AHI1: variants seen among roughly 807,000 people sequenced by gnomAD.
The protein encoded by AHI1 is Abelson helper integration site 1.
A neutral mutation model predicts 149.3 loss-of-function variants in AHI1; 123 were observed. That is an observed-to-expected ratio of 0.82 (90% confidence interval 0.71 to 0.96). The LOEUF (loss-of-function observed/expected upper bound fraction) is 0.96. AHI1 is among the 40% of genes least tolerant of loss of function. The probability of loss-of-function intolerance (pLI) is 0.00; values close to 1 mark genes in which losing one functional copy is unlikely to be tolerated. For missense variants in AHI1, 1,439 were observed against 1,422.7 expected (o/e 1.01, Z -0.18); for synonymous variants, 475 against 459.8 (o/e 1.03, Z -0.42).
At chr6:135,338,118 T>C (rs1407695638) in intron 24 of AHI1, among the ~76,000 whole-genome samples, 1 of 151,760 alleles carries the variant, frequency 6.6e-6, no homozygotes, top group Non-Finnish European at 1.5e-5. Context: ...GCCAACGTGG[T>C]GAAGCCCTGT....
intron 22 of AHI1, among the ~76,000 whole-genome samples, chr6:135,396,424 A>C (rs1024292341): frequency 8.6e-5 from 13 of 151,864 alleles, no homozygotes; most frequent in Non-Finnish European, 1.3e-4. Context: ...CGGGTATCAT[A>C]AAGTGCTATT....
At chr6:135,455,622 T>C (rs1432863296) in intron 10 of AHI1, 112 bp downstream of exon 10, 7 of 815,282 alleles carry the variant, frequency 8.6e-6, no homozygotes, top group Non-Finnish European at 1.2e-5. Flanking sequence ...AGAGATTAAA[T>C]TCTCACACAA....
At chr6:135,339,931 G>A (rs996895464) in intron 24 of AHI1, among the ~76,000 whole-genome samples, 2 of 152,162 alleles carry the variant, frequency 1.3e-5, no homozygotes, top group African/African-American at 4.8e-5. Context: ...TCATCACACA[G>A]AAGTGATTCT....
chr6:135,347,559 G>A (rs949119350), intron 24 of AHI1, among the ~76,000 whole-genome samples: 4 of 152,138 alleles, frequency 2.6e-5, no homozygotes, highest in African/African-American at 4.8e-5. Flanking sequence ...AAACGGTGAT[G>A]ATAATAATAA....
chr6:135,301,728 C>CA, intron 26 of AHI1: 1 of 985,414 alleles, frequency 1.0e-6, no homozygotes, highest in Non-Finnish European at 1.2e-6. Flanking sequence ...GGTAGAACAA[C>CA]AAAAGAACCC....
chr6:135,321,258 G>A (rs986376727), intron 25 of AHI1, among the ~76,000 whole-genome samples: 10 of 151,436 alleles, frequency 6.6e-5, no homozygotes, highest in African/African-American at 1.7e-4. Flanking sequence ...GTGAGGCCCC[G>A]TCTCAGAAAA....
At chr6:135,305,760 A>G (rs1784462636) in intron 26 of AHI1, among the ~76,000 whole-genome samples, 1 of 152,170 alleles carries the variant, frequency 6.6e-6, no homozygotes, top group Admixed American at 6.5e-5. Flanking sequence ...CTTCAGGATA[A>G]AATTCACCTC....
intron 23 of AHI1, among the ~76,000 whole-genome samples, chr6:135,382,424 A>G (rs544636747): frequency 1.3e-5 from 2 of 152,312 alleles, no homozygotes; most frequent in Non-Finnish European, 2.9e-5. Flanking sequence ...TGGTTCCTAA[A>G]CCTAATTTCC....
chr6:135,477,961 CT>C (rs1792976380), intron 5 of AHI1, among the ~76,000 whole-genome samples: 1 of 150,994 alleles, frequency 6.6e-6, no homozygotes, highest in African/African-American at 2.5e-5. Flanking sequence ...CCACACCCGG[CT>C]AATTTTTTTT....
chr6:135,443,612 G>T (rs1786678912), intron 13 of AHI1, among the ~76,000 whole-genome samples: 1 of 152,160 alleles, frequency 6.6e-6, no homozygotes, highest in Non-Finnish European at 1.5e-5. Context: ...CCTACTCAAA[G>T]ACTGTTACTT....
chr6:135,302,860 G>A (rs1402075042), intron 26 of AHI1: 20 of 1,255,060 alleles, frequency 1.6e-5, no homozygotes, highest in Non-Finnish European at 1.8e-5. Context: ...CAATCAGCCC[G>A]CAAATAACCC....
intron 5 of AHI1, among the ~76,000 whole-genome samples, chr6:135,483,331 A>C (rs943574081): frequency 6.6e-6 from 1 of 152,204 alleles, no homozygotes. Flanking sequence ...TGAACACATG[A>C]AAGATATTAT....
Position 135,394,821 on chromosome 6 carries a change from G to A in AHI1, c.3064C>T (p.Leu1022=). Reference sequence around the variant, plus strand: ...TGATGTAGAATCTCTTGAGCGGTCAGCATGTTTGACTGCTTTAACTTAGAC... The same window carrying A: ...TGATGTAGAATCTCTTGAGCGGTCAACATGTTTGACTGCTTTAACTTAGAC... ...QQSKLKQSNM[L]TAQEILHQFG... is the part of the protein sequence containing the mutation. Residue 1022 remains leucine, a synonymous_variant, in exon 23 of 29, where the codon CTG becomes TTG. Coordinates refer to ENST00000265602, the MANE Select transcript of AHI1 (RefSeq NM_001134831.2). 1 of 1,609,116 alleles carries A rather than the reference G, an allele frequency of 6.2e-7. No individual in the cohort carries two copies. The highest frequency in any genetic ancestry group is 8.5e-7 in the Non-Finnish European group (1 of 1,177,418).
intron 25 of AHI1, among the ~76,000 whole-genome samples, chr6:135,321,978 T>C (rs1002188224): frequency 6.6e-6 from 1 of 152,164 alleles, no homozygotes; most frequent in African/African-American, 2.4e-5. Flanking sequence ...ATTTTTTGTA[T>C]TGTTAGTAGA....
chr6:135,423,814 T>C (rs904863649), intron 20 of AHI1, among the ~76,000 whole-genome samples: 3 of 152,068 alleles, frequency 2.0e-5, no homozygotes, highest in Non-Finnish European at 4.4e-5. Context: ...GTTAATAAAC[T>C]CAGTATTAAC....
At chr6:135,338,521 G>A (rs1789776342) in intron 24 of AHI1, among the ~76,000 whole-genome samples, 1 of 152,052 alleles carries the variant, frequency 6.6e-6, no homozygotes, top group Non-Finnish European at 1.5e-5. Flanking sequence ...TGAGTAAAGG[G>A]GAATCACTTC....
chr6:135,414,626 AT>A (rs142705504), intron 20 of AHI1, among the ~76,000 whole-genome samples: 40 of 152,256 alleles, frequency 2.6e-4, no homozygotes, highest in African/African-American at 9.1e-4. Context: ...TGGAGAAAAG[AT>A]TTGAAAAGAC....
At chr6:135,312,523 A>G (rs1785351737) in intron 26 of AHI1, among the ~76,000 whole-genome samples, 1 of 152,172 alleles carries the variant, frequency 6.6e-6, no homozygotes, top group African/African-American at 2.4e-5. Flanking sequence ...AACAACAACA[A>G]CAACAAAAAA....
At chr6:135,445,183 T>G (rs1786974274) in intron 13 of AHI1, among the ~76,000 whole-genome samples, 1 of 152,214 alleles carries the variant, frequency 6.6e-6, no homozygotes, top group Non-Finnish European at 1.5e-5. Context: ...AAATGTGATA[T>G]AAAATATAGA....
Sources: gnomAD v4.1 joint callset for allele counts (sites outside exome capture counted in the v4.1 genomes callset) on GRCh38, gnomAD v4.1.1 for gene constraint, MANE v1.5 for transcripts, NCBI Gene and HGNC (gene_info 2026-07-23, HGNC 2026-07-21) for gene names.